The following MACROD2 variants were observed in gnomAD, a reference collection of about 807,000 sequenced individuals.
MACROD2 encodes the protein ADP-ribose glycohydrolase MACROD2.
Under a neutral mutation model 70.4 loss-of-function variants are expected in MACROD2, and 36 were observed. The ratio of observed to expected loss-of-function variants is 0.51; its 90% CI spans 0.39 to 0.68. MACROD2 has a LOEUF of 0.68. MACROD2 is among the 30% of genes least tolerant of loss of function. The pLI is 0.00. For missense variants in MACROD2, 496 were observed against 538.4 expected (o/e 0.92, Z 0.78); for synonymous variants, 172 against 178.8 (o/e 0.96, Z 0.30).
At chr20:15,760,603 G>A (rs2051422345) in intron 8 of MACROD2, among the ~76,000 whole-genome samples, 1 of 152,170 alleles carries the variant, frequency 6.6e-6, no homozygotes, top group Non-Finnish European at 1.5e-5. Context: ...TCTGGGGGCA[G>A]AGTGCAGGGA....
chr20:15,851,492 GCATGTC>G lies in MACROD2; in HGVS notation c.646-11251_646-11246del, dbSNP rs1205823429. On this transcript the variant is annotated intron_variant, in intron 8 of 17. Coordinates refer to ENST00000684519, the MANE Select transcript of MACROD2 (RefSeq NM_001351661.2). ...TGTCTTTACATGGTCTTCCCTCTGT[GCATGTC>G]CGTGTCCAAACCTCCTCTTCTGATG... Among the ~76,000 whole-genome samples, 3 of 152,048 alleles carry G rather than the reference GCATGTC, an allele frequency of 2.0e-5. No individual in the cohort carries two copies. The East Asian group carries it at 5.8e-4, about 29-fold the overall frequency.
At chr20:16,013,204 C>T (rs574070840) in intron 15 of MACROD2, among the ~76,000 whole-genome samples, 4 of 152,034 alleles carry the variant, frequency 2.6e-5, no homozygotes, top group East Asian at 1.9e-4. Flanking sequence ...TAGAAAGTTA[C>T]GTTAGTTATC....
intron 15 of MACROD2, among the ~76,000 whole-genome samples, chr20:16,011,318 T>C (rs1282421618): frequency 6.6e-6 from 1 of 152,196 alleles, no homozygotes; most frequent in Non-Finnish European, 1.5e-5. Context: ...AAAGCCACTG[T>C]TCTAGAATGA....
At chr20:14,989,723 G>A (rs1014875481) in intron 5 of MACROD2, among the ~76,000 whole-genome samples, 4 of 152,098 alleles carry the variant, frequency 2.6e-5, no homozygotes, top group Non-Finnish European at 5.9e-5. Context: ...ATATAATAAG[G>A]TCCTAGGTGA....
chr20:14,131,637 G>T (rs1395630198), intron 3 of MACROD2, among the ~76,000 whole-genome samples: 1 of 152,140 alleles, frequency 6.6e-6, no homozygotes, highest in African/African-American at 2.4e-5. Context: ...ACTCCGAAGA[G>T]ACCTTTAATC....
intron 4 of MACROD2, among the ~76,000 whole-genome samples, chr20:14,585,156 G>A (rs1041217396): frequency 3.3e-5 from 5 of 152,170 alleles, no homozygotes; most frequent in Admixed American, 2.0e-4. Context: ...GAGTCCCGAA[G>A]TTGACATGCT....
At chr20:14,120,634 A>T (rs1265305193) in intron 3 of MACROD2, among the ~76,000 whole-genome samples, 1 of 151,666 alleles carries the variant, frequency 6.6e-6, no homozygotes, top group African/African-American at 2.4e-5. Flanking sequence ...AATGACCATC[A>T]ATGATAGACT....
At chr20:15,137,481 T>G (rs1302341794) in intron 5 of MACROD2, among the ~76,000 whole-genome samples, 1 of 144,956 alleles carries the variant, frequency 6.9e-6, no homozygotes, top group Non-Finnish European at 1.5e-5. Context: ...ACACCGCATG[T>G]TCTCACTCAT....
At chr20:14,474,681 T>C (rs1241602205) in intron 3 of MACROD2, among the ~76,000 whole-genome samples, 1 of 152,142 alleles carries the variant, frequency 6.6e-6, no homozygotes, top group Non-Finnish European at 1.5e-5. Context: ...ATTTACAATT[T>C]TATTTCCTCT....
chr20:14,538,235 G>A (rs911008353), intron 4 of MACROD2, among the ~76,000 whole-genome samples: 8 of 152,164 alleles, frequency 5.3e-5, no homozygotes, highest in African/African-American at 1.9e-4. Flanking sequence ...AGAGTCTCTC[G>A]TACACTGAAA....
Position 15,114,781 on chromosome 20 carries a change from G to T in MACROD2, c.419-115159G>T, listed in dbSNP as rs552287344. Among the ~76,000 whole-genome samples the T allele has an allele frequency of 1.6e-4, 25 of 151,954 alleles. No homozygotes were observed. In the East Asian group the frequency reaches 4.8e-3, roughly 29 times the overall value. On this transcript the variant is annotated intron_variant, in intron 5 of 17. Coordinates refer to ENST00000684519, the MANE Select transcript of MACROD2 (RefSeq NM_001351661.2). ...TGCTTGTTCCTTTCATTTTTATTTT[G>T]CCTTTTTACCTGTTTTCTTGTTCTG... is the stretch of plus-strand genomic sequence containing the variant.
chr20:15,395,949 A>G (rs1568774513), intron 6 of MACROD2, among the ~76,000 whole-genome samples: 1 of 152,200 alleles, frequency 6.6e-6, no homozygotes, highest in Non-Finnish European at 1.5e-5. Context: ...TTCTATTGCA[A>G]CTTGCTGACT....
intron 5 of MACROD2, among the ~76,000 whole-genome samples, chr20:14,711,075 A>G (rs1416601736): frequency 6.6e-6 from 1 of 152,180 alleles, no homozygotes. Flanking sequence ...TTCCTGAATC[A>G]TATGCAAGTT....
At chr20:15,972,482 G>A in intron 13 of MACROD2, among the ~76,000 whole-genome samples, 1 of 152,018 alleles carries the variant, frequency 6.6e-6, no homozygotes, top group East Asian at 1.9e-4. Flanking sequence ...AACAAGCAGA[G>A]GAAAATGACA....
At chr20:15,437,229 T>G (rs571447079) in intron 7 of MACROD2, among the ~76,000 whole-genome samples, 113 of 152,328 alleles carry the variant, frequency 7.4e-4, no homozygotes, top group Non-Finnish European at 1.4e-3. Flanking sequence ...TTCTCTGGAC[T>G]ATGTTTTCTT....
chr20:15,074,314 C>T (rs1031281186), intron 5 of MACROD2, among the ~76,000 whole-genome samples: 3 of 152,132 alleles, frequency 2.0e-5, no homozygotes, highest in African/African-American at 4.8e-5. Flanking sequence ...ATCAATCATG[C>T]GTACCTAATG....
At chr20:14,165,454 T>C (rs988420461) in intron 3 of MACROD2, among the ~76,000 whole-genome samples, 4 of 152,200 alleles carry the variant, frequency 2.6e-5, no homozygotes, top group African/African-American at 9.7e-5. Flanking sequence ...CCCTGTTGAA[T>C]GCCAGTGTTC....
intron 6 of MACROD2, among the ~76,000 whole-genome samples, chr20:15,249,331 C>T (rs965530463): frequency 3.9e-5 from 6 of 152,178 alleles, no homozygotes; most frequent in Non-Finnish European, 5.9e-5. Flanking sequence ...TCCCAGCCAC[C>T]ATTTTCTGTC....
chr20:14,254,511 C>T (rs1208896215), intron 3 of MACROD2, among the ~76,000 whole-genome samples: 1 of 151,872 alleles, frequency 6.6e-6, no homozygotes, highest in Non-Finnish European at 1.5e-5. Context: ...AAAATTGAGT[C>T]TTTAATTATA....
Sources: allele counts gnomAD v4.1 joint callset (sites outside exome capture counted in the v4.1 genomes callset), GRCh38; gene constraint gnomAD v4.1.1; transcripts MANE v1.5; gene names NCBI Gene and HGNC (gene_info 2026-07-23, HGNC 2026-07-21).